MDN1: variants seen among roughly 807,000 people sequenced by gnomAD.
MDN1 encodes the protein midasin.
In MDN1, 266 loss-of-function variants were observed where a neutral mutation model predicts 669.2. The ratio of observed to expected loss-of-function variants is 0.40; its 90% confidence interval spans 0.36 to 0.44. The LOEUF is 0.44. Among genes scored for constraint, MDN1 ranks in the 20% least tolerant of loss-of-function variants. The probability of loss-of-function intolerance (pLI) is 1.00; values close to 1 mark genes in which losing one functional copy is unlikely to be tolerated. For missense variants in MDN1, 5,940 were observed against 6,754.0 expected (o/e 0.88, Z 4.22); for synonymous variants, 2,385 against 2,457.1 (o/e 0.97, Z 0.87).
Position 89,793,785 on chromosome 6 carries a change from G to A in MDN1, c.832C>T (p.Gln278Ter). 1 of 1,613,938 alleles carries A rather than the reference G, an allele frequency of 6.2e-7. No individual in the cohort carries two copies. Among genetic ancestry groups the A allele is most frequent in the Non-Finnish European group, 8.5e-7 (1 of 1,179,922 alleles). The stretch of plus-strand genomic sequence containing the variant: ...ACCAGCTCTCCAGGGGCTGGCAGCT[G>A]CCCAGGCAGCACCACACCACAAACA... ...TAVCGVVLPG[Q>*]LPAPGELGGN... Residue 278 changes from glutamine to a stop codon, truncating the protein, a stop_gained, in exon 5 of 102, where the codon CAG becomes TAG. Coordinates refer to ENST00000369393, the MANE Select transcript of MDN1 (RefSeq NM_014611.3). LOFTEE classifies it high-confidence loss of function.
At position 89,654,115 on chromosome 6, in the gene MDN1, A is replaced by G. The variant is rs200085954; in HGVS notation, c.15661+49T>C. 5.0e-5 allele frequency: 79 copies of G among 1,595,730 alleles called. No homozygotes were observed. The East Asian group carries it at 1.7e-3, about 34-fold the overall frequency. On this transcript the variant is annotated intron_variant, in intron 93 of 101. Transcript: ENST00000369393. ...AGATTATAGTGAGAGAGAACTGACT[A>G]CTTCAAGTCAGAGCGCCTGGGAAGG...
At chr6:89,757,171 C>T (rs569090931) in intron 19 of MDN1, among the ~76,000 whole-genome samples, 3 of 152,208 alleles carry the variant, frequency 2.0e-5, no homozygotes, top group Admixed American at 6.5e-5. Context: ...ATGAAGTAAA[C>T]GGTTACCAAC....
Position 89,753,626 on chromosome 6 carries a change from G to T in MDN1, c.2965-4C>A, listed in dbSNP as rs773316530. The T allele has an allele frequency of 1.3e-6, 2 of 1,599,008 alleles. No individual in the cohort carries two copies. The highest frequency in any genetic ancestry group is 1.1e-5 in the South Asian group (1 of 90,746). Reference sequence around the variant, plus strand: ...TTAAGAAACCCAAACAAAAACCCTAGAAAGAAAAGACAAATATGCATAATG... The same window carrying T: ...TTAAGAAACCCAAACAAAAACCCTATAAAGAAAAGACAAATATGCATAATG... On this transcript the variant is annotated splice_region_variant and splice_polypyrimidine_tract_variant and intron_variant, in intron 21 of 101. Transcript: ENST00000369393.
rs889662983 is a variant in MDN1 at position 89,684,891 on chromosome 6, T to C, written c.11814A>G (p.Leu3938=). ...TTCATCTTACTTTAAGTTCTTTTTC[T>C]AGGGGGGAACGAAGTTCCACAATTT... ...QAKIVELRSP[L]EKELKEFVKI... The change falls in exon 71 of 102, where the codon CTA becomes CTG. Residue 3938 remains leucine (L), a synonymous_variant. Coordinates refer to ENST00000369393, the MANE Select transcript of MDN1 (RefSeq NM_014611.3). The C allele has an allele frequency of 1.9e-6, 3 of 1,604,400 alleles. No homozygotes were observed. The highest frequency in any genetic ancestry group is 1.1e-5 in the South Asian group (1 of 90,842).
chr6:89,789,414 G>A (rs777912320), intron 7 of MDN1, among the ~76,000 whole-genome samples: 3 of 152,118 alleles, frequency 2.0e-5, no homozygotes, highest in Non-Finnish European at 4.4e-5. Flanking sequence ...TAAGAAGCAG[G>A]ATCTCAAAGT....
In MDN1 at chr6:89,671,872, G is replaced by A. The variant is rs113938404; in HGVS notation, c.13794+328C>T. On this transcript the variant is annotated intron_variant, in intron 82 of 101. Transcript: ENST00000369393. The stretch of plus-strand genomic sequence containing the variant: ...AGTGGGAATGGTGGTTACACAGGAT[G>A]GCTGCTAAGCCTCAGTTGATAACAT... 7.5e-4 allele frequency among the ~76,000 whole-genome samples: 114 copies of A among 152,322 alleles called. 2 individuals carry two copies. The highest frequency in any genetic ancestry group is 2.6e-3 in the African/African-American group (108 of 41,570).
intron 89 of MDN1, 45 bp from the exon 90 acceptor site, chr6:89,658,415 CA>C: frequency 3.1e-6 from 5 of 1,611,440 alleles, no homozygotes; most frequent in Non-Finnish European, 4.2e-6. Context: ...TCTGGGGGAA[CA>C]GCATAAGGTG....
chr6:89,668,791 A>T (rs563212362), intron 83 of MDN1, among the ~76,000 whole-genome samples: 8 of 152,226 alleles, frequency 5.3e-5, no homozygotes, highest in African/African-American at 1.9e-4. Context: ...GCGGATCAAG[A>T]GCTTTAATTA....
At chr6:89,779,988 C>T (rs1818576415) in intron 11 of MDN1, among the ~76,000 whole-genome samples, 1 of 151,962 alleles carries the variant, frequency 6.6e-6, no homozygotes, top group Non-Finnish European at 1.5e-5. Flanking sequence ...ATCGCTTGAA[C>T]CCAGAAGGTG....
intron 40 of MDN1, among the ~76,000 whole-genome samples, chr6:89,721,656 C>T (rs15632): frequency 4.6e-5 from 7 of 152,132 alleles, no homozygotes; most frequent in Admixed American, 2.0e-4. Context: ...TGGAGTGCAG[C>T]GGCCTTTGAA....
In MDN1 at chr6:89,715,922, T is replaced by C. The variant is rs558732441; in HGVS notation, c.6744-153A>G. ...AACAGTGATCTCTTTCAAAAGTAGA[T>C]TCCCCATTGATTTTCCTTCTCGCTT... On this transcript the variant is annotated intron_variant, in intron 44 of 101. Coordinates refer to ENST00000369393, the MANE Select transcript of MDN1 (RefSeq NM_014611.3). Among the ~76,000 whole-genome samples the C allele has an allele frequency of 2.0e-5, 3 of 152,304 alleles. No individual in the cohort carries two copies. In the East Asian group the frequency reaches 5.8e-4, roughly 29 times the overall value.
At chr6:89,803,874 C>T (rs1767830099) in intron 1 of MDN1, among the ~76,000 whole-genome samples, 1 of 147,004 alleles carries the variant, frequency 6.8e-6, no homozygotes, top group Non-Finnish European at 1.5e-5. Context: ...AGCCACCGCG[C>T]CCGGCCTTTT....
intron 26 of MDN1, 69 bp downstream of exon 26, chr6:89,749,154 T>C (rs1816824969): frequency 7.1e-7 from 1 of 1,411,866 alleles, no homozygotes; most frequent in Non-Finnish European, 9.6e-7. Context: ...GATTCTTTTT[T>C]CTAACAAAAG....
At chr6:89,738,249 C>T (rs1468870656) in intron 33 of MDN1, 77 bp downstream of exon 33, 3 of 1,529,112 alleles carry the variant, frequency 2.0e-6, no homozygotes, top group Non-Finnish European at 2.7e-6. Flanking sequence ...GGGCTGATGT[C>T]CTGTAAGAGA....
intron 11 of MDN1, among the ~76,000 whole-genome samples, chr6:89,779,976 G>C (rs1480638016): frequency 1.3e-5 from 2 of 151,806 alleles, no homozygotes; most frequent in Admixed American, 1.3e-4. Flanking sequence ...TGAGGCAAGA[G>C]AATCGCTTGA....
In MDN1 at chr6:89,761,761, G is replaced by A; in HGVS notation, c.2357-13C>T. On this transcript the variant is annotated splice_polypyrimidine_tract_variant and intron_variant, in intron 16 of 101. Transcript: ENST00000369393. ...TTTATGAGTAACCCTAAAAAAGAAA[G>A]ACAAGAATTCAGCACACATTTTGAA... 1 of 1,549,584 alleles carries A rather than the reference G, an allele frequency of 6.5e-7. No homozygotes were observed. The highest frequency in any genetic ancestry group is 8.9e-7 in the Non-Finnish European group (1 of 1,127,922).
At chr6:89,788,903 A>G (rs1241192183) in intron 7 of MDN1, among the ~76,000 whole-genome samples, 1 of 152,206 alleles carries the variant, frequency 6.6e-6, no homozygotes. Context: ...AGGCAGGCAG[A>G]TCACGAGGTC....
At chr6:89,713,373 C>G in intron 46 of MDN1, 77 bp from the exon 47 acceptor site, 1 of 1,292,594 alleles carries the variant, frequency 7.7e-7, no homozygotes, top group East Asian at 2.3e-5. Context: ...TTCTGCCCTC[C>G]CATCAAACCT....
chr6:89,814,721 T>C (rs1768692495), intron 1 of MDN1: 1 of 318,338 alleles, frequency 3.1e-6, no homozygotes, highest in South Asian at 2.9e-5. Flanking sequence ...GCACCGGAGA[T>C]CTCTCCAGCA....
Sources: allele counts gnomAD v4.1 joint callset (sites outside exome capture counted in the v4.1 genomes callset), GRCh38; gene constraint gnomAD v4.1.1; transcripts MANE v1.5; gene names NCBI Gene and HGNC (gene_info 2026-07-23, HGNC 2026-07-21).